FGD4: variants seen among roughly 807,000 people sequenced by gnomAD.
The protein encoded by FGD4 is FYVE, RhoGEF and PH domain-containing protein 4.
FGD4 carries 42 observed loss-of-function variants against 102.0 expected under a neutral mutation model. The ratio of observed to expected loss-of-function variants is 0.41; its 90% CI spans 0.32 to 0.53. The LOEUF (loss-of-function observed/expected upper bound fraction) is 0.53, where lower values mean the gene tolerates loss of function less well. FGD4 is among the 20% of genes least tolerant of loss of function. The pLI, the probability that FGD4 is intolerant of heterozygous loss-of-function variation, is 0.21. For synonymous variants in FGD4, 380 were observed against 375.7 expected (o/e 1.01, Z -0.13); for missense variants, 902 against 1,078.2 (o/e 0.84, Z 2.29).
intron 1 of FGD4, among the ~76,000 whole-genome samples, chr12:32,448,349 A>G (rs1942679602): frequency 6.6e-6 from 1 of 152,134 alleles, no homozygotes; most frequent in South Asian, 2.1e-4. Context: ...GCAGAGTCAT[A>G]TGGACTCATA....
At chr12:32,595,708 A>G (rs1381293339) in intron 4 of FGD4, among the ~76,000 whole-genome samples, 1 of 152,234 alleles carries the variant, frequency 6.6e-6, no homozygotes, top group Non-Finnish European at 1.5e-5. Context: ...GGGGTGGGAA[A>G]TATGCCAGGC....
At chr12:32,421,318 T>A (rs1941616911) in intron 1 of FGD4, among the ~76,000 whole-genome samples, 1 of 152,240 alleles carries the variant, frequency 6.6e-6, no homozygotes, top group Non-Finnish European at 1.5e-5. Flanking sequence ...AGCAATTTTG[T>A]GCTGGGGTGT....
chr12:32,639,278 C>T (rs1304359250), intron 16 of FGD4, among the ~76,000 whole-genome samples: 1 of 152,058 alleles, frequency 6.6e-6, no homozygotes, highest in Non-Finnish European at 1.5e-5. Flanking sequence ...ATTCATCTGC[C>T]TCAGCCTCCC....
chr12:32,630,329 G>GT (rs1950424778), intron 14 of FGD4, among the ~76,000 whole-genome samples: 1 of 152,056 alleles, frequency 6.6e-6, no homozygotes, highest in Admixed American at 6.6e-5. Context: ...ATATTTAATC[G>GT]TGGTTATGTA....
intron 1 of FGD4, among the ~76,000 whole-genome samples, chr12:32,424,041 T>G (rs1308221432): frequency 2.6e-5 from 4 of 152,176 alleles, no homozygotes; most frequent in Admixed American, 6.5e-5. Context: ...TCCATGCTGT[T>G]GCAAATGACA....
chr12:32,553,062 G>A (rs1232322237), intron 1 of FGD4, among the ~76,000 whole-genome samples: 1 of 151,344 alleles, frequency 6.6e-6, no homozygotes, highest in African/African-American at 2.4e-5. Context: ...CCAAAGTGCT[G>A]GGATTACAAG....
chr12:32,526,452 C>T (rs1278101000), intron 1 of FGD4, among the ~76,000 whole-genome samples: 4 of 152,144 alleles, frequency 2.6e-5, no homozygotes, highest in African/African-American at 4.8e-5. Context: ...GGTGTGGAAA[C>T]TCTGTATCTA....
rs541786476 is a variant in FGD4, at chr12:32,559,925, T to A, written c.167-4212T>A. Among the ~76,000 whole-genome samples, 17 of 152,374 alleles carry A rather than the reference T, an allele frequency of 1.1e-4. No homozygotes were observed. In the South Asian group the frequency reaches 3.5e-3, roughly 32 times the overall value. ...ATTGTTGCTGCTTTCTCTTATAAAT[T>A]GATGATGTCTCAGGGTCTCAATTTA... On this transcript the variant is annotated intron_variant, in intron 1 of 16. Coordinates refer to ENST00000534526, the MANE Select transcript of FGD4 (RefSeq NM_001370298.3).
intron 4 of FGD4, among the ~76,000 whole-genome samples, chr12:32,591,128 GATGT>G (rs1448845182): frequency 6.6e-6 from 1 of 152,122 alleles, no homozygotes; most frequent in Non-Finnish European, 1.5e-5. Context: ...GGACCACAGA[GATGT>G]ATGTACCTGT....
chr12:32,599,499 A>AAAAAAAAAAGAAAAG (rs1565889914), intron 5 of FGD4, among the ~76,000 whole-genome samples: 1 of 123,588 alleles, frequency 8.1e-6, no homozygotes, highest in African/African-American at 3.4e-5. Context: ...CGTCTCAAAA[A>AAAAAAAAAAGAAAAG]AAAAAAAAAG....
Position 32,485,905 on chromosome 12 carries a change from C to T in FGD4, c.167-78232C>T, listed in dbSNP as rs1943883823. On this transcript the variant is annotated intron_variant, in intron 1 of 16. Coordinates refer to ENST00000534526, the MANE Select transcript of FGD4 (RefSeq NM_001370298.3). ...GTGGAATTTTGAAATGCGTTGCTTG[C>T]GTAGTTCCTTGAGCCTGCATCACTG... is the stretch of plus-strand genomic sequence containing the variant. 1.2e-5 allele frequency: 15 copies of T among 1,256,992 alleles called. No homozygotes were observed. In the South Asian group the frequency reaches 1.5e-4, roughly 13 times the overall value. The allele number at this position is 1,256,992 out of a possible 1,614,324, so 77.9% of individuals were successfully genotyped here. A position where few individuals can be genotyped will look rare whatever the true frequency, so the allele number is the denominator to read the frequency against.
intron 1 of FGD4, among the ~76,000 whole-genome samples, chr12:32,513,902 A>G (rs1205954032): frequency 2.0e-5 from 3 of 152,238 alleles, no homozygotes; most frequent in Non-Finnish European, 2.9e-5. Flanking sequence ...TGTATTCTTC[A>G]CAATTTTGCA....
At chr12:32,445,634 A>G (rs1295313077) in intron 1 of FGD4, among the ~76,000 whole-genome samples, 1 of 152,226 alleles carries the variant, frequency 6.6e-6, no homozygotes, top group Non-Finnish European at 1.5e-5. Context: ...TTGAATTTAC[A>G]CATTTCAAAT....
At position 32,637,457 on chromosome 12, in the gene FGD4, G is replaced by A. The variant is rs1274532539; in HGVS notation, c.2314-1198G>A. On this transcript the variant is annotated intron_variant, in intron 15 of 16. Transcript: ENST00000534526. ...TAAAAGTACAAAAAATTAGCCAAGCGTGGTGGTGAGTGCCTGTAGTCCCAG... is the reference window on the plus strand; with the variant it reads ...TAAAAGTACAAAAAATTAGCCAAGCATGGTGGTGAGTGCCTGTAGTCCCAG... 5.3e-5 allele frequency among the ~76,000 whole-genome samples: 8 copies of A among 151,936 alleles called. No homozygotes were observed. The South Asian group carries it at 6.2e-4, about 12-fold the overall frequency.
At chr12:32,463,082 A>C (rs2136499839) in intron 1 of FGD4, among the ~76,000 whole-genome samples, 1 of 152,360 alleles carries the variant, frequency 6.6e-6, no homozygotes, top group South Asian at 2.1e-4. Context: ...CTGCTGCCTC[A>C]GATGCTGACT....
intron 1 of FGD4, among the ~76,000 whole-genome samples, chr12:32,426,572 G>C (rs1941844083): frequency 2.6e-5 from 4 of 152,152 alleles, no homozygotes. Flanking sequence ...GATGATGCTG[G>C]CCTCATAAAA....
chr12:32,459,342 C>T (rs1030015529), intron 1 of FGD4, among the ~76,000 whole-genome samples: 6 of 151,810 alleles, frequency 4.0e-5, no homozygotes, highest in East Asian at 1.9e-4. Context: ...TACAGGTGTG[C>T]GCCACCACGC....
intron 1 of FGD4, among the ~76,000 whole-genome samples, chr12:32,494,104 G>A (rs1937634261): frequency 6.6e-6 from 1 of 152,208 alleles, no homozygotes; most frequent in Admixed American, 6.5e-5. Context: ...GGAGTGCAGT[G>A]GTGTGATCAA....
intron 3 of FGD4, among the ~76,000 whole-genome samples, chr12:32,576,844 A>G (rs990472140): frequency 1.3e-5 from 2 of 151,968 alleles, no homozygotes; most frequent in African/African-American, 2.4e-5. Context: ...CTCACTTTGT[A>G]TGTTTGTGAA....
Sources: gnomAD v4.1 joint callset for allele counts (sites outside exome capture counted in the v4.1 genomes callset) on GRCh38, gnomAD v4.1.1 for gene constraint, MANE v1.5 for transcripts, NCBI Gene and HGNC (gene_info 2026-07-23, HGNC 2026-07-21) for gene names.